AAK1: variants seen among roughly 807,000 people sequenced by gnomAD.
AAK1 encodes the protein AP2 associated kinase 1.
In AAK1, 37 loss-of-function variants were observed where a neutral mutation model predicts 116.0. The ratio of observed to expected loss-of-function variants is 0.32; its 90% confidence interval spans 0.25 to 0.42. The LOEUF (loss-of-function observed/expected upper bound fraction) is 0.42. Among genes scored for constraint, AAK1 ranks in the 10% least tolerant of loss-of-function variants. AAK1 has a pLI of 1.00. For missense variants in AAK1, 919 were observed against 1,170.6 expected, an observed-to-expected ratio of 0.79 and a Z score of 3.14; for synonymous variants, 458 against 439.9, an observed-to-expected ratio of 1.04 and a Z score of -0.51.
chr2:69,524,496 G>A (rs1172414058), intron 10 of AAK1, among the ~76,000 whole-genome samples: 4 of 151,908 alleles, frequency 2.6e-5, no homozygotes, highest in Non-Finnish European at 5.9e-5. Context: ...GTGCGGTGGC[G>A]TGATCTCAGC....
In AAK1 at chr2:69,514,472, G is replaced by A. The variant is rs1214118045; in HGVS notation, c.1775C>T (p.Ala592Val). 3.2e-5 allele frequency: 49 copies of A among 1,539,534 alleles called. No homozygotes were observed. The East Asian group carries it at 9.8e-4, about 31-fold the overall frequency. ...CTCTGAGCTCTGGTTGATTCTTACC[G>A]CTGGCTCCTGGGCAGGGGCTGGCTG... Reference protein sequence around the residue: ...APQPAPAQEPAIQAPVRQQPK... With the variant: ...APQPAPAQEPVIQAPVRQQPK... The change falls in exon 13 of 22, where the codon GCG (alanine) becomes GTG (valine). Residue 592 changes from alanine (A) to valine (V), a missense_variant and splice_region_variant. By Grantham distance (64) the Ala-to-Val change is moderately conservative. Transcript: ENST00000409085.
chr2:69,606,012 G>C (rs1316296546), intron 2 of AAK1, among the ~76,000 whole-genome samples: 1 of 152,110 alleles, frequency 6.6e-6, no homozygotes, highest in African/African-American at 2.4e-5. Flanking sequence ...CAGCTACACA[G>C]GACAATTCAC....
intron 16 of AAK1, 86 bp from the exon 17 acceptor site, chr2:69,496,166 C>T: frequency 1.1e-6 from 1 of 948,704 alleles, no homozygotes. Context: ...GTAAGTTTAC[C>T]CTCTATTAAT....
intron 2 of AAK1, among the ~76,000 whole-genome samples, chr2:69,610,560 A>G (rs1455322598): frequency 3.3e-5 from 5 of 152,254 alleles, no homozygotes; most frequent in Non-Finnish European, 7.3e-5. Flanking sequence ...AAAAGAGTAG[A>G]AAGGCAATCC....
At chr2:69,627,105 T>C (rs925444463) in intron 2 of AAK1, among the ~76,000 whole-genome samples, 7 of 151,836 alleles carry the variant, frequency 4.6e-5, no homozygotes, top group East Asian at 2.0e-4. Flanking sequence ...CTGGCCAATA[T>C]GGTGAAACCC....
At chr2:69,480,719 G>A (rs1675054198) in intron 19 of AAK1, 141 bp downstream of exon 19, 10 of 610,334 alleles carry the variant, frequency 1.6e-5, no homozygotes, top group Non-Finnish European at 2.8e-5. Flanking sequence ...AGCCGGGGCT[G>A]TGACAATTCA....
intron 5 of AAK1, among the ~76,000 whole-genome samples, chr2:69,534,432 G>C (rs1200642275): frequency 6.6e-6 from 1 of 152,184 alleles, no homozygotes; most frequent in Non-Finnish European, 1.5e-5. Flanking sequence ...GGACTTTCTT[G>C]GTGCTTTATG....
intron 2 of AAK1, among the ~76,000 whole-genome samples, chr2:69,564,195 A>AAAAAAAG (rs577175240): frequency 6.6e-6 from 1 of 152,068 alleles, no homozygotes; most frequent in Non-Finnish European, 1.5e-5. Context: ...CCATCTCAAA[A>AAAAAAAG]AAAAAAGAAA....
chr2:69,476,906 G>A lies in AAK1; in HGVS notation c.2765C>T (p.Pro922Leu). 1 of 1,613,618 alleles carries A rather than the reference G, an allele frequency of 6.2e-7. No homozygotes were observed. Among genetic ancestry groups the A allele is most frequent in the Non-Finnish European group, 8.5e-7 (1 of 1,179,762 alleles). The change falls in exon 21 of 22, where the codon CCT (proline) becomes CTT (leucine). Residue 922 changes from proline to leucine, a missense_variant. Coordinates refer to ENST00000409085, the MANE Select transcript of AAK1 (RefSeq NM_014911.5). ...KVAEDEFDPIPVLITKNPQGG... is the reference protein window; with the variant it reads ...KVAEDEFDPILVLITKNPQGG... ...TTGTGGGTTTTTGGTTATCAATACA[G>A]GAATAGGGTCAAACTCATCTTCAGC...
At chr2:69,502,516 G>A (rs951395407) in intron 16 of AAK1, among the ~76,000 whole-genome samples, 4 of 152,192 alleles carry the variant, frequency 2.6e-5, no homozygotes, top group African/African-American at 9.7e-5. Context: ...AGCTACTTGG[G>A]AGGCTGAGGC....
intron 2 of AAK1, among the ~76,000 whole-genome samples, chr2:69,610,705 T>TAATA (rs1674039342): frequency 6.6e-6 from 1 of 152,134 alleles, no homozygotes; most frequent in Non-Finnish European, 1.5e-5. Flanking sequence ...AATAGACATT[T>TAATA]CTCCAAAGAA....
Position 69,470,992 on chromosome 2 carries a change from A to G in AAK1, c.*4877T>C. ...GAAAGTTCTTTACAGACTTTTTTTTATACAATACTTGTGCAGCAATGTTCA... is the reference window on the plus strand; with the variant it reads ...GAAAGTTCTTTACAGACTTTTTTTTGTACAATACTTGTGCAGCAATGTTCA... On this transcript the variant is annotated 3_prime_UTR_variant, in exon 22 of 22. Transcript: ENST00000409085. The G allele has an allele frequency of 1.0e-6, 1 of 985,778 alleles. No homozygotes were observed. 61.1% of individuals were successfully genotyped at this position (985,778 alleles called of 1,614,324 possible).
At position 69,500,698 on chromosome 2, in the gene AAK1, T is replaced by TATATATATACAC; in HGVS notation, c.2270-4619_2270-4618insGTGTATATATAT. Among the ~76,000 whole-genome samples, 166 of 65,036 alleles carry TATATATATACAC rather than the reference T, an allele frequency of 2.6e-3. 1 individual carries two copies. Among genetic ancestry groups the TATATATATACAC allele is most frequent in the African/African-American group, 4.2e-3 (53 of 12,638 alleles). The allele number at this position is 65,036 out of a possible 152,430, so 42.7% of individuals were successfully genotyped here. A position where few individuals can be genotyped will look rare whatever the true frequency, so the allele number is the denominator to read the frequency against. On this transcript the variant is annotated intron_variant, in intron 16 of 21. Coordinates refer to ENST00000409085, the MANE Select transcript of AAK1 (RefSeq NM_014911.5). ...ATATATATATATATATATATATATATACACACACACACACACACACACACA... is the reference window on the plus strand; with the variant it reads ...ATATATATATATATATATATATATATATATATATACACACACACACACACACACACACACACA...
At chr2:69,580,409 T>A (rs1482374774) in intron 2 of AAK1, among the ~76,000 whole-genome samples, 1 of 152,226 alleles carries the variant, frequency 6.6e-6, no homozygotes, top group Non-Finnish European at 1.5e-5. Context: ...GGTATAAGTA[T>A]GTGCAGACAA....
chr2:69,516,424 A>G (rs1646008541), intron 12 of AAK1, among the ~76,000 whole-genome samples: 1 of 152,222 alleles, frequency 6.6e-6, no homozygotes, highest in Non-Finnish European at 1.5e-5. Context: ...CAACAAAACA[A>G]AACAAAATAT....
intron 4 of AAK1, among the ~76,000 whole-genome samples, chr2:69,543,358 T>A (rs1670798836): frequency 6.6e-6 from 1 of 152,198 alleles, no homozygotes; most frequent in Non-Finnish European, 1.5e-5. Flanking sequence ...AGGGCTAAAA[T>A]TACTGGTTAA....
In AAK1 at chr2:69,542,597, T is replaced by C. The variant is rs201891835; in HGVS notation, c.460A>G (p.Ile154Val). 2.2e-4 allele frequency: 351 copies of C among 1,613,888 alleles called. No individual in the cohort carries two copies. Among genetic ancestry groups the C allele is most frequent in the Non-Finnish European group, 2.6e-4 (310 of 1,179,888 alleles). ...TGFTENEVLQ[I>V]FCDTCEAVAR... ...ACAGCTTCACAGGTATCACAAAATATCTGGAGCACTTCATTCTCTGTAAAG... is the reference window on the plus strand; with the variant it reads ...ACAGCTTCACAGGTATCACAAAATACCTGGAGCACTTCATTCTCTGTAAAG... The change falls in exon 5 of 22, where the codon ATA (isoleucine) becomes GTA (valine). Residue 154 changes from isoleucine to valine, a missense_variant. By Grantham distance (29) the Ile-to-Val change is conservative. Around this residue, in one of 4 missense-constraint regions of AAK1, gnomAD observed 317 missense variants for 490.4 expected, o/e 0.65. Coordinates refer to ENST00000409085, the MANE Select transcript of AAK1 (RefSeq NM_014911.5).
intron 2 of AAK1, among the ~76,000 whole-genome samples, chr2:69,574,192 G>T (rs1262286304): frequency 6.6e-6 from 1 of 151,338 alleles, no homozygotes; most frequent in African/African-American, 2.4e-5. Flanking sequence ...GGCCAACAGT[G>T]AAACCCCATC....
intron 2 of AAK1, among the ~76,000 whole-genome samples, chr2:69,567,572 A>C (rs1671930650): frequency 6.6e-6 from 1 of 152,194 alleles, no homozygotes; most frequent in Admixed American, 6.5e-5. Context: ...AAAATTTTAA[A>C]AAAACAACAA....
Sources: allele counts gnomAD v4.1 joint callset (sites outside exome capture counted in the v4.1 genomes callset), GRCh38; gene constraint gnomAD v4.1.1; regional missense constraint gnomAD v4.1.1; transcripts MANE v1.5; gene names NCBI Gene and HGNC (gene_info 2026-07-23, HGNC 2026-07-21).